Variants in MYO3A observed in about 807,000 individuals in gnomAD.
The protein encoded by MYO3A is myosin-IIIa.
MYO3A carries 180 observed loss-of-function variants against 192.7 expected under a neutral mutation model. That is an observed-to-expected ratio of 0.93 (90% CI 0.83 to 1.06). The LOEUF (loss-of-function observed/expected upper bound fraction) is 1.06, where lower values mean the gene tolerates loss of function less well. Ranked by LOEUF, MYO3A falls within the 50% of genes least tolerant of loss-of-function variation. MYO3A has a pLI of 0.00. For synonymous variants in MYO3A, 628 were observed against 645.3 expected (o/e 0.97, Z 0.41); for missense variants, 1,896 against 1,905.0 (o/e 1.00, Z 0.09).
At chr10:26,047,217 A>G (rs563864709) in intron 10 of MYO3A, among the ~76,000 whole-genome samples, 10 of 152,320 alleles carry the variant, frequency 6.6e-5, no homozygotes, top group African/African-American at 2.4e-4. Flanking sequence ...AAATATGTGT[A>G]CTTAAATACA....
chr10:26,212,162 G>GT lies in MYO3A; in HGVS notation c.*199_*200insT, dbSNP rs1258637348. ...GAAACAAGAGACCTGGGAGCCCTCG[G>GT]GAAACCTCCCCCGACGCTCTCTCTC... On this transcript the variant is annotated 3_prime_UTR_variant, in exon 35 of 35. Transcript: ENST00000642920. 2.7e-6 allele frequency: 2 copies of GT among 740,548 alleles called. No homozygotes were observed. Among genetic ancestry groups the GT allele is most frequent in the Non-Finnish European group, 4.1e-6 (2 of 483,028 alleles). The allele number at this position is 740,548 out of a possible 1,614,324, so 45.9% of individuals were successfully genotyped here. A position where few individuals can be genotyped will look rare whatever the true frequency, so the allele number is the denominator to read the frequency against.
chr10:26,186,427 C>T (rs902575846), intron 31 of MYO3A, among the ~76,000 whole-genome samples: 21 of 151,960 alleles, frequency 1.4e-4, no homozygotes, highest in Non-Finnish European at 2.2e-4. Flanking sequence ...CCACCACACC[C>T]GGCTAATTTT....
intron 2 of MYO3A, among the ~76,000 whole-genome samples, chr10:25,940,022 C>T (rs1836376301): frequency 1.3e-5 from 2 of 152,010 alleles, no homozygotes; most frequent in Admixed American, 6.6e-5. Context: ...GAGCTAGCCA[C>T]ATCACTTTCT....
intron 17 of MYO3A, among the ~76,000 whole-genome samples, chr10:26,118,369 T>TATCAGC (rs1265585488): frequency 2.6e-5 from 4 of 152,216 alleles, no homozygotes; most frequent in Non-Finnish European, 5.9e-5. Context: ...ACATCTAATA[T>TATCAGC]ATCAGCATAT....
intron 27 of MYO3A, among the ~76,000 whole-genome samples, chr10:26,167,573 T>C (rs967402375): frequency 7.2e-5 from 11 of 152,332 alleles, no homozygotes; most frequent in South Asian, 2.1e-4. Flanking sequence ...AAGCTATTTG[T>C]ATTCTTCCAC....
intron 17 of MYO3A, among the ~76,000 whole-genome samples, chr10:26,101,787 C>A (rs995033651): frequency 2.0e-5 from 3 of 152,148 alleles, no homozygotes; most frequent in Non-Finnish European, 2.9e-5. Context: ...GATGGACTTC[C>A]CTTTGTGGGT....
intron 6 of MYO3A, among the ~76,000 whole-genome samples, chr10:26,006,818 A>G (rs910022562): frequency 1.3e-5 from 2 of 151,764 alleles, no homozygotes; most frequent in African/African-American, 4.9e-5. Context: ...AGGAACTGGT[A>G]CCATTCCTTC....
At chr10:25,993,912 T>G (rs1300868226) in intron 4 of MYO3A, among the ~76,000 whole-genome samples, 1 of 152,250 alleles carries the variant, frequency 6.6e-6, no homozygotes, top group Non-Finnish European at 1.5e-5. Context: ...TTACATTTGC[T>G]GAGGAGTGCT....
At chr10:25,986,057 T>C (rs1839632464) in intron 4 of MYO3A, among the ~76,000 whole-genome samples, 1 of 152,138 alleles carries the variant, frequency 6.6e-6, no homozygotes, top group Non-Finnish European at 1.5e-5. Flanking sequence ...TTAACATATG[T>C]AAGTCATAAA....
At chr10:26,163,331 C>T (rs538163020) in intron 26 of MYO3A, among the ~76,000 whole-genome samples, 26 of 152,170 alleles carry the variant, frequency 1.7e-4, no homozygotes, top group African/African-American at 5.8e-4. Context: ...AGAGACTTTT[C>T]GAGTCAGGAA....
intron 23 of MYO3A, among the ~76,000 whole-genome samples, chr10:26,152,272 T>A (rs1044431533): frequency 7.2e-5 from 11 of 152,248 alleles, no homozygotes; most frequent in Non-Finnish European, 1.5e-4. Context: ...ACAACTTTGT[T>A]ATCTATTATG....
chr10:26,135,966 C>CAAAA (rs55885370), intron 20 of MYO3A, among the ~76,000 whole-genome samples: 42 of 100,194 alleles, frequency 4.2e-4, no homozygotes, highest in African/African-American at 1.6e-3. Flanking sequence ...AACTCCATCT[C>CAAAA]AAAAAAAAAA....
chr10:26,104,866 TACAC>T (rs60219721), intron 17 of MYO3A, among the ~76,000 whole-genome samples: 25,206 of 148,044 alleles, frequency 0.17, 2,291 homozygotes, highest in Non-Finnish European at 0.21. Flanking sequence ...TGTTTATAGA[TACAC>T]ACACACACAC....
chr10:26,210,605 A>G (rs1429514408), intron 34 of MYO3A, among the ~76,000 whole-genome samples: 1 of 152,220 alleles, frequency 6.6e-6, no homozygotes, highest in African/African-American at 2.4e-5. Flanking sequence ...AGATCCTGTT[A>G]TGAGTGATTC....
chr10:26,047,213 G>A lies in MYO3A; in HGVS notation c.954-19762G>A, dbSNP rs118045165. Among the ~76,000 whole-genome samples, 182 of 152,062 alleles carry A rather than the reference G, an allele frequency of 1.2e-3. 4 individuals carry two copies. The East Asian group carries it at 0.021, about 18-fold the overall frequency. On this transcript the variant is annotated intron_variant, in intron 10 of 34. Transcript: ENST00000642920. ...AAAATAAGATGAATCCAACAAATAT[G>A]TGTACTTAAATACAAAGAAATAAAA...
At chr10:26,121,423 A>G (rs903348285) in intron 18 of MYO3A, among the ~76,000 whole-genome samples, 1 of 152,034 alleles carries the variant, frequency 6.6e-6, no homozygotes, top group Admixed American at 6.6e-5. Flanking sequence ...ATGCTTTCAT[A>G]ATTGCATATT....
At chr10:25,946,042 T>C (rs1700814810) in intron 2 of MYO3A, among the ~76,000 whole-genome samples, 1 of 152,206 alleles carries the variant, frequency 6.6e-6, no homozygotes, top group Non-Finnish European at 1.5e-5. Flanking sequence ...TTACGTTTTA[T>C]ATATTGTATC....
At chr10:25,948,017 T>C (rs534456301) in intron 2 of MYO3A, among the ~76,000 whole-genome samples, 11 of 152,114 alleles carry the variant, frequency 7.2e-5, no homozygotes, top group Admixed American at 6.5e-4. Context: ...GGAGGCAAGA[T>C]GGGATGCAGG....
chr10:26,102,169 T>G (rs1454946884), intron 17 of MYO3A, among the ~76,000 whole-genome samples: 1 of 152,242 alleles, frequency 6.6e-6, no homozygotes, highest in East Asian at 1.9e-4. Flanking sequence ...ACTGATACTC[T>G]TTCTTCCACT....
Sources: gnomAD v4.1 joint callset for allele counts (sites outside exome capture counted in the v4.1 genomes callset) on GRCh38, gnomAD v4.1.1 for gene constraint, MANE v1.5 for transcripts, NCBI Gene and HGNC (gene_info 2026-07-23, HGNC 2026-07-21) for gene names.